The following SLC22A23 variants were observed in gnomAD, a reference collection of about 807,000 sequenced individuals.
The protein encoded by SLC22A23 is ion transporter protein.
SLC22A23 carries 26 observed loss-of-function variants against 61.0 expected under a neutral mutation model. That is an observed-to-expected ratio of 0.43 (90% CI 0.31 to 0.59). The LOEUF (loss-of-function observed/expected upper bound fraction) is 0.59. SLC22A23 is among the 20% of genes least tolerant of loss of function. The pLI, the probability that SLC22A23 is intolerant of heterozygous loss-of-function variation, is 0.11. For missense variants in SLC22A23, 796 were observed against 934.7 expected, an observed-to-expected ratio of 0.85 and a Z score of 1.94; for synonymous variants, 430 against 413.9, an observed-to-expected ratio of 1.04 and a Z score of -0.47.
At chr6:3,374,655 T>G (rs1453514968) in intron 3 of SLC22A23, among the ~76,000 whole-genome samples, 1 of 152,128 alleles carries the variant, frequency 6.6e-6, no homozygotes, top group Non-Finnish European at 1.5e-5. Context: ...AGTGAGGATT[T>G]GGGAAGATGA....
At chr6:3,280,533 T>A (rs1460875790) in intron 9 of SLC22A23, among the ~76,000 whole-genome samples, 1 of 130,074 alleles carries the variant, frequency 7.7e-6, no homozygotes, top group African/African-American at 2.8e-5. Context: ...TCTCGCTCTG[T>A]CGCCCAGGCT....
At position 3,322,944 on chromosome 6, in the gene SLC22A23, G is replaced by A. The variant is rs1010700408; in HGVS notation, c.1082+890C>T. On this transcript the variant is annotated intron_variant, in intron 4 of 9. Coordinates refer to ENST00000406686, the MANE Select transcript of SLC22A23 (RefSeq NM_015482.2). The surrounding 1 kb of genome is among the most constrained non-coding windows in gnomAD (Gnocchi z 4.1). ...GGAGAGGGATGGGAAGGAAGGGAAA[G>A]GATGAAAAACAGCATTTATAAAAAG... Among the ~76,000 whole-genome samples, 5 of 152,162 alleles carry A rather than the reference G, an allele frequency of 3.3e-5. No individual in the cohort carries two copies. The highest frequency in any genetic ancestry group is 1.2e-4 in the African/African-American group (5 of 41,426).
chr6:3,390,449 G>T lies in SLC22A23; in HGVS notation c.913+19739C>A, dbSNP rs1207851254. 6.6e-6 allele frequency among the ~76,000 whole-genome samples: 1 copy of T among 152,132 alleles called. No homozygotes were observed. Among genetic ancestry groups the T allele is most frequent in the Non-Finnish European group, 1.5e-5 (1 of 68,030 alleles). The stretch of plus-strand genomic sequence containing the variant: ...TCCAAGTGCCAACCTAACATGAGAA[G>T]GCTAAGAATTCTGTTCACATCTACC... On this transcript the variant is annotated intron_variant, in intron 3 of 9. Transcript: ENST00000406686. This position sits in a 1 kb window ranked among gnomAD's most constrained non-coding sequence, Gnocchi z 4.0.
intron 4 of SLC22A23, among the ~76,000 whole-genome samples, chr6:3,315,840 G>C (rs1762606173): frequency 6.6e-6 from 1 of 151,668 alleles, no homozygotes; most frequent in Admixed American, 6.6e-5. Flanking sequence ...CTCCAGCCTG[G>C]GCGACAGAGT....
At chr6:3,344,144 T>C (rs1581721200) in intron 3 of SLC22A23, among the ~76,000 whole-genome samples, 1 of 152,212 alleles carries the variant, frequency 6.6e-6, no homozygotes, top group East Asian at 1.9e-4. Context: ...TAGGTACAAG[T>C]AAACCTTCAG....
intron 3 of SLC22A23, among the ~76,000 whole-genome samples, chr6:3,365,164 C>CA (rs1056849299): frequency 6.6e-6 from 1 of 152,026 alleles, no homozygotes; most frequent in Admixed American, 6.5e-5. Context: ...ACTAAAAATA[C>CA]AAAAAAATTT....
intron 4 of SLC22A23, chr6:3,313,126 T>C (rs1294630980): frequency 1.3e-5 from 2 of 152,196 alleles, no homozygotes; most frequent in Non-Finnish European, 1.5e-5. Flanking sequence ...GAGGTTCCTA[T>C]TGTCTTACAC....
rs977102370 is a variant in SLC22A23, at chr6:3,287,039, C to T, written c.1366G>A (p.Glu456Lys). ...HCFARSMMGH[E>K]VKVPLLENFY... ...TTCTCCAGGAGCGGCACCTTCACCTCGTGGCCCATCATGCTCCTGGCAAAG... is the reference window on the plus strand; with the variant it reads ...TTCTCCAGGAGCGGCACCTTCACCTTGTGGCCCATCATGCTCCTGGCAAAG... Residue 456 changes from glutamate to lysine, a missense_variant, in exon 7 of 10, where the codon GAG (glutamate) becomes AAG (lysine). Physicochemically the swap from Glu to Lys is moderately conservative, Grantham distance 56. Coordinates refer to ENST00000406686, the MANE Select transcript of SLC22A23 (RefSeq NM_015482.2). 3.1e-6 allele frequency: 5 copies of T among 1,614,130 alleles called. No individual in the cohort carries two copies. Among genetic ancestry groups the T allele is most frequent in the African/African-American group, 1.3e-5 (1 of 74,934 alleles).
At chr6:3,442,946 A>C (rs1215408493) in intron 1 of SLC22A23, among the ~76,000 whole-genome samples, 1 of 152,176 alleles carries the variant, frequency 6.6e-6, no homozygotes, top group East Asian at 1.9e-4. Context: ...CAACTTTGAG[A>C]GAGCGGCATT....
At chr6:3,295,108 G>A (rs1760959575) in intron 5 of SLC22A23, among the ~76,000 whole-genome samples, 1 of 152,260 alleles carries the variant, frequency 6.6e-6, no homozygotes, top group Non-Finnish European at 1.5e-5. Context: ...TGCTGCTGGG[G>A]GCACAGAAGT....
In SLC22A23 at chr6:3,272,502, G is replaced by C. The variant is rs1260246246; in HGVS notation, c.*553C>G. On this transcript the variant is annotated 3_prime_UTR_variant, in exon 10 of 10. Transcript: ENST00000406686. ...AACAGAAGCTCTTACCTTACAAACA[G>C]AAAGGGAAAAAGGACCTTAAAAAAC... 1 of 152,676 alleles carries C rather than the reference G, an allele frequency of 6.5e-6. No individual in the cohort carries two copies. Among genetic ancestry groups the C allele is most frequent in the Non-Finnish European group, 1.5e-5 (1 of 68,044 alleles). The allele number at this position is 152,676 out of a possible 1,614,324, so 9.5% of individuals were successfully genotyped here.
chr6:3,402,548 C>CTGACA, intron 3 of SLC22A23, among the ~76,000 whole-genome samples: 6 of 112,866 alleles, frequency 5.3e-5, no homozygotes, highest in African/African-American at 7.8e-5. Context: ...TAGGCTGCAG[C>CTGACA]CCACTCCAAT....
intron 3 of SLC22A23, among the ~76,000 whole-genome samples, chr6:3,374,929 T>A (rs1262890285): frequency 6.6e-6 from 1 of 152,200 alleles, no homozygotes; most frequent in Non-Finnish European, 1.5e-5. Flanking sequence ...TGGCTGTGGT[T>A]TTTAAGAACC....
chr6:3,355,582 C>T (rs1472296863), intron 3 of SLC22A23, among the ~76,000 whole-genome samples: 2 of 152,092 alleles, frequency 1.3e-5, no homozygotes, highest in African/African-American at 2.4e-5. Flanking sequence ...ACAAGGTTAC[C>T]GTTCTCATGA....
At position 3,271,388 on chromosome 6, in the gene SLC22A23, C is replaced by G. The variant is rs1758465639; in HGVS notation, c.*1667G>C. 1 of 152,382 alleles carries G rather than the reference C, an allele frequency of 6.6e-6. No homozygotes were observed. Among genetic ancestry groups the G allele is most frequent in the Non-Finnish European group, 1.5e-5 (1 of 68,068 alleles). The allele number at this position is 152,382 out of a possible 1,614,324, so 9.4% of individuals were successfully genotyped here. A position where few individuals can be genotyped will look rare whatever the true frequency, so the allele number is the denominator to read the frequency against. On this transcript the variant is annotated 3_prime_UTR_variant, in exon 10 of 10. Coordinates refer to ENST00000406686, the MANE Select transcript of SLC22A23 (RefSeq NM_015482.2). ...TGCCCCTTGCTGTGTCTTTACACAT[C>G]TCCAGGCCCTTACTGATGTGTGGAC...
At chr6:3,337,996 C>T (rs931092736) in intron 3 of SLC22A23, among the ~76,000 whole-genome samples, 1 of 152,202 alleles carries the variant, frequency 6.6e-6, no homozygotes, top group African/African-American at 2.4e-5. Flanking sequence ...TCCCTCCCTT[C>T]TCCCACAGGA....
chr6:3,294,559 G>A (rs760998895), intron 5 of SLC22A23, among the ~76,000 whole-genome samples: 30 of 152,316 alleles, frequency 2.0e-4, no homozygotes, highest in African/African-American at 2.4e-4. Context: ...GCACAGTGCC[G>A]TGTGTGGCAC....
In SLC22A23 at chr6:3,415,857, T is replaced by C; in HGVS notation, c.655-2A>G. 1 of 1,541,956 alleles carries C rather than the reference T, an allele frequency of 6.5e-7. No homozygotes were observed. The highest frequency in any genetic ancestry group is 8.8e-7 in the Non-Finnish European group (1 of 1,137,882). ...GGCATTATCACACACAAGATCCCAC[T>C]AGAGAGGGGCAAATAGAAAATAAAT... On this transcript the variant is annotated splice_acceptor_variant, in intron 1 of 9. Coordinates refer to ENST00000406686, the MANE Select transcript of SLC22A23 (RefSeq NM_015482.2). LOFTEE classifies it high-confidence loss of function.
chr6:3,440,494 T>C (rs536855973), intron 1 of SLC22A23, among the ~76,000 whole-genome samples: 4 of 151,476 alleles, frequency 2.6e-5, no homozygotes, highest in South Asian at 4.2e-4. Flanking sequence ...GATCATGAGG[T>C]CAGGAGTTCG....
Sources: allele counts gnomAD v4.1 joint callset (sites outside exome capture counted in the v4.1 genomes callset), GRCh38; gene constraint gnomAD v4.1.1; non-coding constraint Gnocchi (gnomAD v3.1); transcripts MANE v1.5; gene names NCBI Gene and HGNC (gene_info 2026-07-23, HGNC 2026-07-21).